The following CNTN4 variants were observed in gnomAD, a reference collection of about 807,000 sequenced individuals.
The protein encoded by CNTN4 is contactin 4.
CNTN4 carries 77 observed loss-of-function variants against 122.5 expected under a neutral mutation model. That is an observed-to-expected ratio of 0.63 (90% CI 0.52 to 0.76). The LOEUF is 0.76. Ranked by LOEUF, CNTN4 falls within the 30% of genes least tolerant of loss-of-function variation. The pLI is 0.00. For missense variants in CNTN4, 1,256 were observed against 1,259.1 expected, an observed-to-expected ratio of 1.00 and a Z score of 0.04; for synonymous variants, 512 against 447.0, an observed-to-expected ratio of 1.15 and a Z score of -1.83.
At chr3:2,948,487 C>A (rs2151573286) in intron 13 of CNTN4, among the ~76,000 whole-genome samples, 1 of 152,294 alleles carries the variant, frequency 6.6e-6, no homozygotes, top group East Asian at 1.9e-4. Context: ...ATTGACCCTC[C>A]ATTGCATGTT....
At chr3:2,570,983 T>C (rs943247577) in intron 3 of CNTN4, among the ~76,000 whole-genome samples, 1 of 152,294 alleles carries the variant, frequency 6.6e-6, no homozygotes, top group South Asian at 2.1e-4. Flanking sequence ...TATAACTCCA[T>C]TGGAAAAATT....
chr3:2,599,063 T>C (rs528910328), intron 4 of CNTN4, among the ~76,000 whole-genome samples: 2 of 152,340 alleles, frequency 1.3e-5, no homozygotes, highest in South Asian at 4.1e-4. Context: ...TAGCTTGGTG[T>C]ATACCTTATA....
chr3:2,351,837 G>T (rs1441972102), intron 3 of CNTN4, among the ~76,000 whole-genome samples: 3 of 150,654 alleles, frequency 2.0e-5, no homozygotes, highest in Non-Finnish European at 4.4e-5. Context: ...AGGGAATGGG[G>T]GATTGTTGGT....
intron 3 of CNTN4, among the ~76,000 whole-genome samples, chr3:2,381,277 A>T (rs2046012153): frequency 6.6e-6 from 1 of 152,174 alleles, no homozygotes. Flanking sequence ...AAGTGCTGGG[A>T]TTACAGGCGT....
At chr3:2,899,048 C>T (rs182463377) in intron 10 of CNTN4, among the ~76,000 whole-genome samples, 63 of 152,258 alleles carry the variant, frequency 4.1e-4, no homozygotes, top group Admixed American at 7.2e-4. Flanking sequence ...TTTTGGCCTC[C>T]CCTCATATGC....
intron 2 of CNTN4, among the ~76,000 whole-genome samples, chr3:2,273,640 G>A (rs13096856): frequency 0.53 from 80,075 of 151,890 alleles, 21,984 homozygotes; most frequent in South Asian, 0.68. Flanking sequence ...AATTGACTGA[G>A]CCTGCCTAGT....
chr3:2,543,023 G>A (rs992313987), intron 3 of CNTN4, among the ~76,000 whole-genome samples: 1 of 152,042 alleles, frequency 6.6e-6, no homozygotes, highest in African/African-American at 2.4e-5. Context: ...TTTTATGAAA[G>A]GTCACAGCCA....
At chr3:2,337,205 G>C (rs923209455) in intron 2 of CNTN4, among the ~76,000 whole-genome samples, 1 of 152,074 alleles carries the variant, frequency 6.6e-6, no homozygotes, top group Non-Finnish European at 1.5e-5. Flanking sequence ...ATGCATTCAT[G>C]ATATGTTAGT....
At chr3:2,856,615 C>T (rs930308816) in intron 7 of CNTN4, among the ~76,000 whole-genome samples, 1 of 152,224 alleles carries the variant, frequency 6.6e-6, no homozygotes, top group South Asian at 2.1e-4. Flanking sequence ...GATGGACGGG[C>T]ACAGCCCTCC....
intron 6 of CNTN4, among the ~76,000 whole-genome samples, chr3:2,753,060 T>A (rs1287296937): frequency 6.6e-6 from 1 of 152,196 alleles, no homozygotes; most frequent in African/African-American, 2.4e-5. Flanking sequence ...TTGGCTATTG[T>A]CAATAGTGCT....
intron 12 of CNTN4, among the ~76,000 whole-genome samples, chr3:2,917,603 G>A (rs1489587671): frequency 1.3e-5 from 2 of 152,132 alleles, no homozygotes; most frequent in Non-Finnish European, 2.9e-5. Flanking sequence ...TCTCTGTCTT[G>A]TAGTGGATGG....
chr3:2,551,522 G>A (rs35166803), intron 3 of CNTN4, among the ~76,000 whole-genome samples: 9,614 of 152,094 alleles, frequency 0.063, 415 homozygotes, highest in Non-Finnish European at 0.093. Flanking sequence ...TAGGATGGGA[G>A]TGAATGGAAT....
At chr3:2,194,740 G>T (rs2149357051) in intron 2 of CNTN4, among the ~76,000 whole-genome samples, 1 of 152,260 alleles carries the variant, frequency 6.6e-6, no homozygotes, top group South Asian at 2.1e-4. Flanking sequence ...TGTGAAAACA[G>T]AGGCAGATAT....
intron 2 of CNTN4, among the ~76,000 whole-genome samples, chr3:2,194,617 C>T (rs977403596): frequency 4.6e-5 from 7 of 152,220 alleles, no homozygotes; most frequent in South Asian, 2.1e-4. Flanking sequence ...TTGTTGCATG[C>T]GTAATTAATT....
intron 2 of CNTN4, among the ~76,000 whole-genome samples, chr3:2,310,977 G>T (rs916917893): frequency 9.9e-5 from 15 of 152,108 alleles, no homozygotes; most frequent in African/African-American, 3.6e-4. Flanking sequence ...AGACTCCCTT[G>T]ACTTTATCCT....
intron 4 of CNTN4, among the ~76,000 whole-genome samples, chr3:2,605,163 C>T (rs1359742747): frequency 2.0e-5 from 3 of 152,162 alleles, no homozygotes; most frequent in Non-Finnish European, 4.4e-5. Flanking sequence ...CACACCATGC[C>T]TGTCTAATAT....
chr3:2,602,415 G>A (rs371210436), intron 4 of CNTN4, among the ~76,000 whole-genome samples: 4 of 152,314 alleles, frequency 2.6e-5, no homozygotes, highest in African/African-American at 9.6e-5. Context: ...CAACATGAAT[G>A]TGCAAAAATC....
rs189272149 is a variant in CNTN4 at position 2,251,507 on chromosome 3, C to T, written c.-144-87671C>T. On this transcript the variant is annotated intron_variant, in intron 2 of 24. Transcript: ENST00000418658. ...AGGAAATATGTCTTTGCATAATCAACGTCATTGAGGAGACTTTTATAAGAA... is the reference window on the plus strand; with the variant it reads ...AGGAAATATGTCTTTGCATAATCAATGTCATTGAGGAGACTTTTATAAGAA... Among the ~76,000 whole-genome samples, 124 of 151,834 alleles carry T rather than the reference C, an allele frequency of 8.2e-4. 1 individual carries two copies. The highest frequency in any genetic ancestry group is 2.1e-3 in the South Asian group (10 of 4,810).
At chr3:2,754,825 A>T (rs564940463) in intron 6 of CNTN4, among the ~76,000 whole-genome samples, 55 of 152,276 alleles carry the variant, frequency 3.6e-4, no homozygotes, top group African/African-American at 1.2e-3. Context: ...AGGTTAATTT[A>T]AGTTAGCCTT....
Sources: allele counts gnomAD v4.1 joint callset (sites outside exome capture counted in the v4.1 genomes callset), GRCh38; gene constraint gnomAD v4.1.1; transcripts MANE v1.5; gene names NCBI Gene and HGNC (gene_info 2026-07-23, HGNC 2026-07-21).